Variants in CFAP221 observed in about 807,000 individuals in gnomAD.
CFAP221 encodes the protein cilia- and flagella-associated protein 221.
CFAP221 carries 97 observed loss-of-function variants against 113.1 expected under a neutral mutation model. The ratio of observed to expected loss-of-function variants is 0.86; its 90% CI spans 0.73 to 1.02. The LOEUF (loss-of-function observed/expected upper bound fraction) is 1.02, where lower values mean the gene tolerates loss of function less well. Ranked by LOEUF, CFAP221 falls within the 50% of genes least tolerant of loss-of-function variation. The pLI is 0.00. For synonymous variants in CFAP221, 331 were observed against 354.4 expected (o/e 0.93, Z 0.74); for missense variants, 1,025 against 1,013.4 (o/e 1.01, Z -0.16).
At chr2:119,640,889 C>T (rs998773270) in intron 21 of CFAP221, among the ~76,000 whole-genome samples, 8 of 152,332 alleles carry the variant, frequency 5.3e-5, no homozygotes, top group Admixed American at 1.3e-4. Context: ...ACTCTCTGGG[C>T]CCAGTCCTCT....
intron 21 of CFAP221, among the ~76,000 whole-genome samples, chr2:119,641,301 G>A (rs998419005): frequency 6.6e-6 from 1 of 152,132 alleles, no homozygotes; most frequent in Non-Finnish European, 1.5e-5. Context: ...TAGGATTTGG[G>A]ACATGGCAAG....
At chr2:119,582,748 AC>A (rs1478740326) in intron 6 of CFAP221, among the ~76,000 whole-genome samples, 1 of 152,082 alleles carries the variant, frequency 6.6e-6, no homozygotes, top group Non-Finnish European at 1.5e-5. Context: ...GAGCCACAGC[AC>A]CCAGCTGTCA....
chr2:119,562,094 A>G lies in CFAP221; in HGVS notation c.507A>G (p.Ser169=), dbSNP rs1304386840. The G allele has an allele frequency of 1.3e-6, 2 of 1,534,050 alleles. No homozygotes were observed. The highest frequency in any genetic ancestry group is 2.7e-5 in the African/African-American group (2 of 72,964). ...ACTTTCCTTCATTTATAAATCTGTC[A>G]AATGTTCTACTTGGTGAAAGGTGAG... ...SLDFPSFINL[S]NVLLGESKTY... The change falls in exon 6 of 24, where the codon TCA becomes TCG. Residue 169 remains serine, a synonymous_variant. Coordinates refer to ENST00000413369, the MANE Select transcript of CFAP221 (RefSeq NM_001271049.2).
At chr2:119,608,718 A>G (rs990632151) in intron 12 of CFAP221, 129 bp downstream of exon 12, 3 of 744,274 alleles carry the variant, frequency 4.0e-6, no homozygotes, top group South Asian at 1.7e-5. Context: ...CGACAAGTAA[A>G]TTGTCAACCA....
Position 119,587,107 on chromosome 2 carries a change from T to C in CFAP221, c.528-12T>C. 1 of 1,482,704 alleles carries C rather than the reference T, an allele frequency of 6.7e-7. No individual in the cohort carries two copies. 91.8% of individuals were successfully genotyped at this position (1,482,704 alleles called of 1,614,324 possible). On this transcript the variant is annotated splice_polypyrimidine_tract_variant and intron_variant, in intron 6 of 23. Coordinates refer to ENST00000413369, the MANE Select transcript of CFAP221 (RefSeq NM_001271049.2). ...AATAATATTTTTATTTTCTTTTTTG[T>C]TTGTTTTGCAGCAAAACTTATGTTA...
At chr2:119,635,335 T>G (rs948614665) in intron 19 of CFAP221, among the ~76,000 whole-genome samples, 1 of 152,230 alleles carries the variant, frequency 6.6e-6, no homozygotes, top group African/African-American at 2.4e-5. Context: ...AATAGAAGCA[T>G]TAAACTTGTG....
chr2:119,605,095 T>C (rs1684644172), intron 10 of CFAP221, 86 bp from the exon 11 acceptor site: 2 of 1,452,930 alleles, frequency 1.4e-6, no homozygotes, highest in South Asian at 1.2e-5. Flanking sequence ...ATTGCTGTTA[T>C]GCCTCGCCAT....
intron 6 of CFAP221, among the ~76,000 whole-genome samples, chr2:119,571,252 G>A (rs1682029265): frequency 7.2e-6 from 1 of 138,026 alleles, no homozygotes; most frequent in South Asian, 2.3e-4. Flanking sequence ...TAATTGTCTT[G>A]CCTCAGTCTC....
At chr2:119,608,055 TC>T (rs1684890665) in intron 11 of CFAP221, among the ~76,000 whole-genome samples, 1 of 152,256 alleles carries the variant, frequency 6.6e-6, no homozygotes, top group South Asian at 2.1e-4. Flanking sequence ...ATATGGTAAC[TC>T]TATGTTTAAC....
At chr2:119,561,729 A>T (rs1315683573) in intron 5 of CFAP221, among the ~76,000 whole-genome samples, 1 of 151,090 alleles carries the variant, frequency 6.6e-6, no homozygotes, top group Non-Finnish European at 1.5e-5. Context: ...ATTTTCTGAA[A>T]TAGAAGCAGA....
chr2:119,623,914 C>T (rs1284444315), intron 14 of CFAP221, among the ~76,000 whole-genome samples: 1 of 152,154 alleles, frequency 6.6e-6, no homozygotes, highest in Non-Finnish European at 1.5e-5. Context: ...ACCATAAAAA[C>T]CCTGGAAGAA....
Position 119,560,260 on chromosome 2 carries a change from C to T in CFAP221, c.426+234C>T, listed in dbSNP as rs546502254. ...AGGACCTGGACAGAGTCAGGAGACG[C>T]GGTTTGCTGCAGGCTTCCCACTGCC... is the stretch of plus-strand genomic sequence containing the variant. On this transcript the variant is annotated intron_variant, in intron 5 of 23. Transcript: ENST00000413369. Among the ~76,000 whole-genome samples, 10 of 152,108 alleles carry T rather than the reference C, an allele frequency of 6.6e-5. No homozygotes were observed. In the South Asian group the frequency reaches 1.9e-3, roughly 28 times the overall value.
chr2:119,562,477 C>T (rs890846001), intron 6 of CFAP221, among the ~76,000 whole-genome samples: 1 of 152,108 alleles, frequency 6.6e-6, no homozygotes, highest in African/African-American at 2.4e-5. Flanking sequence ...GGGGGCAAGA[C>T]AGCCTCCAGT....
chr2:119,569,075 T>G (rs1681855597), intron 6 of CFAP221, among the ~76,000 whole-genome samples: 1 of 151,592 alleles, frequency 6.6e-6, no homozygotes, highest in African/African-American at 2.4e-5. Context: ...GATGTAATTC[T>G]TATCTTTGTT....
At chr2:119,602,613 C>A in intron 8 of CFAP221, 1 of 985,170 alleles carries the variant, frequency 1.0e-6, no homozygotes, top group Non-Finnish European at 1.2e-6. Context: ...CCTAAAAATT[C>A]AAAGCAGCCT....
At chr2:119,627,534 T>G (rs1389910204) in intron 15 of CFAP221, 119 bp from the exon 16 acceptor site, 2 of 660,424 alleles carry the variant, frequency 3.0e-6, no homozygotes, top group African/African-American at 3.8e-5. Flanking sequence ...TATATATATA[T>G]ATATATATAT....
At chr2:119,553,953 A>G (rs1397419296) in intron 3 of CFAP221, among the ~76,000 whole-genome samples, 1 of 152,146 alleles carries the variant, frequency 6.6e-6, no homozygotes, top group East Asian at 1.9e-4. Flanking sequence ...CATTAATTCC[A>G]AGTAAATACA....
At chr2:119,549,374 C>T (rs1353662916) in intron 3 of CFAP221, among the ~76,000 whole-genome samples, 189 bp downstream of exon 3, 1 of 152,164 alleles carries the variant, frequency 6.6e-6, no homozygotes, top group African/African-American at 2.4e-5. Flanking sequence ...TTACTTTCCT[C>T]TTGCCAAAGG....
At chr2:119,632,078 A>G (rs1319749575) in intron 19 of CFAP221, among the ~76,000 whole-genome samples, 1 of 151,814 alleles carries the variant, frequency 6.6e-6, no homozygotes, top group East Asian at 1.9e-4. Context: ...ATTCTGCCAA[A>G]TATTTAAGGA....
Sources: allele counts gnomAD v4.1 joint callset (sites outside exome capture counted in the v4.1 genomes callset), GRCh38; gene constraint gnomAD v4.1.1; transcripts MANE v1.5; gene names NCBI Gene and HGNC (gene_info 2026-07-23, HGNC 2026-07-21).